GSE1: variants seen among roughly 807,000 people sequenced by gnomAD.
GSE1 encodes genetic suppressor element 1.
In GSE1, 32 loss-of-function variants were observed where a neutral mutation model predicts 112.6. That is an observed-to-expected ratio of 0.28 (90% CI 0.21 to 0.38). The LOEUF (loss-of-function observed/expected upper bound fraction) is 0.38. Ranked by LOEUF, GSE1 falls within the 10% of genes least tolerant of loss-of-function variation. The pLI is 1.00. For synonymous variants in GSE1, 1,115 were observed against 735.6 expected (o/e 1.52, Z -8.35); for missense variants, 2,348 against 1,699.2 (o/e 1.38, Z -6.71).
chr16:85,271,598 T>G (rs8054281), intron 1 of GSE1, among the ~76,000 whole-genome samples: 1 of 152,118 alleles, frequency 6.6e-6, no homozygotes, highest in African/African-American at 2.4e-5. Flanking sequence ...GCTTTCCTGC[T>G]GCTTCGCAGC....
At chr16:85,260,760 A>G (rs931175744) in intron 1 of GSE1, among the ~76,000 whole-genome samples, 1 of 152,132 alleles carries the variant, frequency 6.6e-6, no homozygotes, top group Non-Finnish European at 1.5e-5. Flanking sequence ...TGTGCCCACC[A>G]TCTACTCTCT....
chr16:85,386,255 A>G (rs1263105174), intron 2 of GSE1, among the ~76,000 whole-genome samples: 1 of 152,190 alleles, frequency 6.6e-6, no homozygotes, highest in African/African-American at 2.4e-5. Flanking sequence ...GCCTGGCCCA[A>G]TGCATCCTGC....
At position 85,187,051 on chromosome 16, in the gene GSE1, C is replaced by T. The variant is rs373430827; in HGVS notation, c.2283+15244C>T. Among the ~76,000 whole-genome samples, 10 of 152,318 alleles carry T rather than the reference C, an allele frequency of 6.6e-5. 1 individual carries two copies. The highest frequency in any genetic ancestry group is 1.4e-4 in the African/African-American group (6 of 41,570). ...GCCAGCACTGGGGTTGGTGCAGTGA[C>T]GCAGCCACGCTTGGTGTCTCTGGGG... On this transcript the variant is annotated intron_variant, in intron 1 of 2. Coordinates refer to the GSE1 transcript ENST00000637419.
intron 1 of GSE1, among the ~76,000 whole-genome samples, chr16:85,306,995 T>C (rs2045696796): frequency 6.6e-6 from 1 of 152,150 alleles, no homozygotes; most frequent in Non-Finnish European, 1.5e-5. Flanking sequence ...GCCACCCAGG[T>C]GTGTGGGTGC....
intron 2 of GSE1, among the ~76,000 whole-genome samples, chr16:85,513,464 T>C (rs2151936554): frequency 6.6e-6 from 1 of 152,212 alleles, no homozygotes; most frequent in East Asian, 1.9e-4. Context: ...GTCCCCACTG[T>C]GGGGGGCTCC....
intron 1 of GSE1, among the ~76,000 whole-genome samples, chr16:85,561,525 C>A: frequency 6.6e-6 from 1 of 152,212 alleles, no homozygotes; most frequent in East Asian, 1.9e-4. Context: ...CCCTGGCCTT[C>A]CCTCAGGATC....
chr16:85,489,090 G>A (rs7187520), intron 2 of GSE1, among the ~76,000 whole-genome samples: 4,782 of 152,192 alleles, frequency 0.031, 235 homozygotes, highest in African/African-American at 0.11. Context: ...TGTCTGCAGC[G>A]TCCCGTGTGC....
intron 1 of GSE1, among the ~76,000 whole-genome samples, chr16:85,305,644 G>A (rs1299598169): frequency 3.9e-5 from 6 of 151,902 alleles, no homozygotes; most frequent in African/African-American, 1.4e-4. Context: ...CACCATGCCT[G>A]GCTAATTTTG....
At chr16:85,170,992 C>T in exon 1 of GSE1, 2 of 985,542 alleles carry the variant, frequency 2.0e-6, no homozygotes, top group Middle Eastern at 5.2e-4. Flanking sequence ...GGACTGTACC[C>T]CGGATGCCCG....
intron 14 of GSE1, chr16:85,670,785 C>G: frequency 2.7e-6 from 1 of 368,464 alleles, no homozygotes; most frequent in Non-Finnish European, 4.9e-6. Context: ...TGTCTTTATT[C>G]CTGTGTATTG....
At chr16:85,357,391 A>G in intron 1 of GSE1, 7 of 973,212 alleles carry the variant, frequency 7.2e-6, no homozygotes, top group Non-Finnish European at 9.2e-6. Flanking sequence ...ACCTATGGCC[A>G]GAGAGTCCAT....
chr16:85,202,045 A>T (rs1165006212), intron 1 of GSE1, among the ~76,000 whole-genome samples: 2 of 152,242 alleles, frequency 1.3e-5, no homozygotes, highest in African/African-American at 4.8e-5. Flanking sequence ...GGTGAGTGCA[A>T]GTCCTGGTGG....
chr16:85,637,982 C>T (rs1458817304), intron 2 of GSE1, among the ~76,000 whole-genome samples: 1 of 152,172 alleles, frequency 6.6e-6, no homozygotes, highest in Non-Finnish European at 1.5e-5. Flanking sequence ...GGAGAGGTGG[C>T]AGAGCTGGCG....
At chr16:85,500,560 C>T (rs1427557796) in intron 2 of GSE1, among the ~76,000 whole-genome samples, 11 of 152,210 alleles carry the variant, frequency 7.2e-5, no homozygotes, top group Non-Finnish European at 2.9e-5. Context: ...AGAGGCACGT[C>T]GTGGCAGTGA....
At chr16:85,594,830 C>T (rs1025335719) in intron 1 of GSE1, 12 of 152,344 alleles carry the variant, frequency 7.9e-5, no homozygotes, top group African/African-American at 2.4e-4. Context: ...TGGTCATGCC[C>T]GCTCCCGGGG....
intron 1 of GSE1, among the ~76,000 whole-genome samples, chr16:85,173,402 G>A (rs1384783042): frequency 6.6e-6 from 1 of 152,236 alleles, no homozygotes; most frequent in African/African-American, 2.4e-5. Flanking sequence ...CACTTGCTTT[G>A]TAGGGACATG....
chr16:85,525,257 C>CA (rs887401721), intron 2 of GSE1, among the ~76,000 whole-genome samples: 3 of 152,072 alleles, frequency 2.0e-5, no homozygotes, highest in Non-Finnish European at 2.9e-5. Context: ...TTGTCCCCCC[C>CA]CCACTGATGG....
At chr16:85,578,924 C>T (rs761842253) in intron 1 of GSE1, among the ~76,000 whole-genome samples, 24 of 151,854 alleles carry the variant, frequency 1.6e-4, no homozygotes, top group Non-Finnish European at 3.4e-4. Flanking sequence ...ACTGTAAGCT[C>T]CCCCCAGCAC....
intron 1 of GSE1, among the ~76,000 whole-genome samples, chr16:85,325,027 G>A (rs182462928): frequency 2.0e-5 from 3 of 152,164 alleles, no homozygotes; most frequent in Admixed American, 6.5e-5. Context: ...GAATGCAATG[G>A]TACAATCTCA....
Sources: allele counts gnomAD v4.1 joint callset (sites outside exome capture counted in the v4.1 genomes callset), GRCh38; gene constraint gnomAD v4.1.1; transcripts MANE v1.5; gene names NCBI Gene and HGNC (gene_info 2026-07-23, HGNC 2026-07-21).